The following DENND1B variants were observed in gnomAD, a reference collection of about 807,000 sequenced individuals.
The protein encoded by DENND1B is DENN domain containing 1B, also known as DENN domain-containing protein 1B.
A neutral mutation model predicts 90.1 loss-of-function variants in DENND1B; 59 were observed. The ratio of observed to expected loss-of-function variants is 0.65; its 90% confidence interval spans 0.53 to 0.81. The LOEUF (loss-of-function observed/expected upper bound fraction) is 0.81. Among genes scored for constraint, DENND1B ranks in the 40% least tolerant of loss-of-function variants. The probability of loss-of-function intolerance (pLI) is 0.00; values close to 1 mark genes in which losing one functional copy is unlikely to be tolerated. For missense variants in DENND1B, 862 were observed against 912.6 expected, an observed-to-expected ratio of 0.94 and a Z score of 0.71; for synonymous variants, 337 against 324.6, an observed-to-expected ratio of 1.04 and a Z score of -0.41.
chr1:197,706,594 T>A (rs1314105466), intron 3 of DENND1B, among the ~76,000 whole-genome samples: 1 of 151,838 alleles, frequency 6.6e-6, no homozygotes, highest in African/African-American at 2.4e-5. Flanking sequence ...ACACAAACAA[T>A]ACAATTTTAA....
intron 3 of DENND1B, among the ~76,000 whole-genome samples, chr1:197,681,286 A>G (rs1361450913): frequency 2.0e-5 from 3 of 152,190 alleles, no homozygotes; most frequent in African/African-American, 4.8e-5. Flanking sequence ...ACACAATAGA[A>G]GCAAACACTG....
chr1:197,677,471 AAC>A (rs1656208192), intron 3 of DENND1B, among the ~76,000 whole-genome samples: 1 of 152,122 alleles, frequency 6.6e-6, no homozygotes, highest in African/African-American at 2.4e-5. Flanking sequence ...CCAAATCAGA[AAC>A]ACGGTAGTTA....
intron 10 of DENND1B, 86 bp from the exon 11 acceptor site, chr1:197,617,845 T>C: frequency 1.2e-6 from 1 of 867,510 alleles, no homozygotes; most frequent in Non-Finnish European, 1.9e-6. Flanking sequence ...CAATGAACAG[T>C]AATCACAGAA....
intron 20 of DENND1B, among the ~76,000 whole-genome samples, chr1:197,521,516 C>T (rs1044354503): frequency 6.6e-6 from 1 of 151,540 alleles, no homozygotes; most frequent in Non-Finnish European, 1.5e-5. Flanking sequence ...TCTGTACTAC[C>T]CTCCATTTTA....
intron 6 of DENND1B, among the ~76,000 whole-genome samples, chr1:197,653,366 T>C (rs1653449971): frequency 6.6e-6 from 1 of 152,126 alleles, no homozygotes; most frequent in Non-Finnish European, 1.5e-5. Context: ...CTTGGACTTT[T>C]AAACAATGAA....
chr1:197,599,104 T>C (rs562409573), intron 13 of DENND1B, among the ~76,000 whole-genome samples: 5 of 151,788 alleles, frequency 3.3e-5, no homozygotes, highest in Middle Eastern at 3.4e-3. Context: ...AAAGTGACTA[T>C]GAATAAAAGG....
intron 2 of DENND1B, among the ~76,000 whole-genome samples, chr1:197,718,078 G>A (rs1308077051): frequency 6.6e-6 from 1 of 151,990 alleles, no homozygotes; most frequent in African/African-American, 2.4e-5. Context: ...AATGAGAAGT[G>A]TGATTTACTC....
At chr1:197,779,561 T>G (rs886392394), upstream of DENND1B, among the ~76,000 whole-genome samples, 12 of 152,190 alleles carry the variant, frequency 7.9e-5, no homozygotes, top group African/African-American at 2.9e-4. Context: ...TCTTTTATAG[T>G]ATGTCTCTCT....
chr1:197,660,999 G>GTCT (rs1480578536), intron 5 of DENND1B, among the ~76,000 whole-genome samples: 1 of 152,066 alleles, frequency 6.6e-6, no homozygotes, highest in African/African-American at 2.4e-5. Flanking sequence ...GCTCTAGGAG[G>GTCT]GAGATGCTGG....
chr1:197,720,738 T>C (rs1661092855), intron 2 of DENND1B, among the ~76,000 whole-genome samples: 2 of 152,088 alleles, frequency 1.3e-5, no homozygotes, highest in South Asian at 2.1e-4. Flanking sequence ...TTTGACAAAG[T>C]AGTAATAAAA....
chr1:197,583,362 G>C (rs925722567), intron 14 of DENND1B, 109 bp from the exon 15 acceptor site: 3 of 923,582 alleles, frequency 3.2e-6, no homozygotes, highest in Non-Finnish European at 3.4e-6. Flanking sequence ...AGGTGCAGAA[G>C]CAACAGACCC....
chr1:197,621,770 A>G (rs1302593556), intron 10 of DENND1B, among the ~76,000 whole-genome samples: 2 of 151,398 alleles, frequency 1.3e-5, no homozygotes, highest in Non-Finnish European at 3.0e-5. Flanking sequence ...CAGTTCAAAC[A>G]TATCTCTGGC....
intron 16 of DENND1B, among the ~76,000 whole-genome samples, chr1:197,549,585 T>C (rs560484683): frequency 6.6e-6 from 1 of 152,120 alleles, no homozygotes; most frequent in Non-Finnish European, 1.5e-5. Context: ...AGAAAGAATA[T>C]GTTCTTAACT....
At chr1:197,732,327 C>T (rs1662226854) in intron 2 of DENND1B, among the ~76,000 whole-genome samples, 1 of 152,126 alleles carries the variant, frequency 6.6e-6, no homozygotes, top group African/African-American at 2.4e-5. Context: ...GTTCTTCTTT[C>T]CTTCAACTCA....
At chr1:197,773,420 G>T (rs1290143787) in intron 1 of DENND1B, among the ~76,000 whole-genome samples, 1 of 152,172 alleles carries the variant, frequency 6.6e-6, no homozygotes, top group Non-Finnish European at 1.5e-5. Context: ...TGAATACATG[G>T]TTCCACCTGC....
At chr1:197,704,705 A>G (rs988774087) in intron 3 of DENND1B, among the ~76,000 whole-genome samples, 1 of 152,186 alleles carries the variant, frequency 6.6e-6, no homozygotes, top group African/African-American at 2.4e-5. Context: ...TGTTATGAAA[A>G]ATGGATTGAT....
rs895011440 is a variant in DENND1B, at chr1:197,540,020, C to G, written c.1459G>C (p.Val487Leu). ...CCCTTTTCATTGTGTAATTTGTAAA[C>G]TGGTGTATATTGTACAGAACTAGAA... ...TCSSSVQYTPVYKLHNEKGGN... is the reference protein window; with the variant it reads ...TCSSSVQYTPLYKLHNEKGGN... The change falls in exon 20 of 23, where the codon GTT (valine) becomes CTT (leucine). Residue 487 changes from valine (V) to leucine (L), a missense_variant. Coordinates refer to ENST00000620048, the MANE Select transcript of DENND1B (RefSeq NM_001195215.2). 10 of 1,613,430 alleles carry G rather than the reference C, an allele frequency of 6.2e-6. 1 individual carries two copies. The Middle Eastern group carries it at 6.6e-4, about 107-fold the overall frequency.
intron 10 of DENND1B, among the ~76,000 whole-genome samples, chr1:197,619,781 T>C (rs1558313613): frequency 6.6e-6 from 1 of 151,238 alleles, no homozygotes; most frequent in Non-Finnish European, 1.5e-5. Flanking sequence ...CATTATCTGA[T>C]GAATTTGACT....
intron 13 of DENND1B, among the ~76,000 whole-genome samples, chr1:197,599,932 C>G (rs1572024333): frequency 6.6e-6 from 1 of 151,934 alleles, no homozygotes; most frequent in South Asian, 2.1e-4. Flanking sequence ...ATGATCGCCC[C>G]TGCCTATCTC....
Sources: gnomAD v4.1 joint callset for allele counts (sites outside exome capture counted in the v4.1 genomes callset) on GRCh38, gnomAD v4.1.1 for gene constraint, MANE v1.5 for transcripts, NCBI Gene and HGNC (gene_info 2026-07-23, HGNC 2026-07-21) for gene names.